Variants in PSKH1 observed in about 807,000 individuals in gnomAD.
PSKH1 encodes serine/threonine-protein kinase H1.
A neutral mutation model predicts 26.7 loss-of-function variants in PSKH1; 12 were observed. The observed-to-expected ratio is 0.45, with a 90% CI of 0.29 to 0.73. The LOEUF (loss-of-function observed/expected upper bound fraction) is 0.73. Among genes scored for constraint, PSKH1 ranks in the 30% least tolerant of loss-of-function variants. The probability of loss-of-function intolerance (pLI) is 0.11; values close to 1 mark genes in which losing one functional copy is unlikely to be tolerated. For synonymous variants in PSKH1, 213 were observed against 234.3 expected, an observed-to-expected ratio of 0.91 and a Z score of 0.83; for missense variants, 431 against 595.2, an observed-to-expected ratio of 0.72 and a Z score of 2.87.
intron 2 of PSKH1, among the ~76,000 whole-genome samples, chr16:67,913,521 A>C (rs1367066775): frequency 6.6e-6 from 1 of 152,094 alleles, no homozygotes. Context: ...CTATAAAAGC[A>C]TGCCAGGTTG....
Position 67,927,982 on chromosome 16 carries a change from A to G in PSKH1, c.*340A>G, listed in dbSNP as rs1277131922. The G allele has an allele frequency of 9.7e-6, 3 of 308,998 alleles. No individual in the cohort carries two copies. The highest frequency in any genetic ancestry group is 1.8e-5 in the Non-Finnish European group (3 of 164,450). The allele number at this position is 308,998 out of a possible 1,614,324, so 19.1% of individuals were successfully genotyped here. ...TCCCTTGCCCTTTGACTTTTCCCCA[A>G]TCAAAGGGAACTGCAGTGCTGGGTG... On this transcript the variant is annotated 3_prime_UTR_variant, in exon 3 of 3. Transcript: ENST00000291041. This position sits in a 1 kb window ranked among gnomAD's most constrained non-coding sequence, Gnocchi z 5.5.
At chr16:67,905,124 C>T (rs2058152798) in intron 1 of PSKH1, among the ~76,000 whole-genome samples, 3 of 152,184 alleles carry the variant, frequency 2.0e-5, no homozygotes, top group South Asian at 2.1e-4. Flanking sequence ...CTGTGCCCAG[C>T]TCTTACTGGC....
intron 1 of PSKH1, among the ~76,000 whole-genome samples, chr16:67,904,456 G>A (rs1015388993): frequency 3.3e-5 from 5 of 151,660 alleles, no homozygotes; most frequent in African/African-American, 1.2e-4. Context: ...CGCCCACCTC[G>A]GCCTCCCATA....
chr16:67,926,678 C>T (rs2058217489), intron 2 of PSKH1, among the ~76,000 whole-genome samples: 1 of 152,070 alleles, frequency 6.6e-6, no homozygotes, highest in South Asian at 2.1e-4. Flanking sequence ...CTGCCAGGAG[C>T]CCTTTGTGGC....
chr16:67,924,358 T>A (rs2058210666), intron 2 of PSKH1, among the ~76,000 whole-genome samples: 1 of 152,176 alleles, frequency 6.6e-6, no homozygotes, highest in Non-Finnish European at 1.5e-5. Flanking sequence ...TCAATCTGGC[T>A]CGCTTTGGCA....
chr16:67,904,187 T>C (rs1249604017), intron 1 of PSKH1, among the ~76,000 whole-genome samples: 1 of 151,100 alleles, frequency 6.6e-6, no homozygotes, highest in African/African-American at 2.4e-5. Flanking sequence ...GGCTAATTTT[T>C]GTATTTGTAT....
chr16:67,910,197 C>T lies in PSKH1; in HGVS notation c.957+491C>T, dbSNP rs192041664. On this transcript the variant is annotated intron_variant, in intron 2 of 2. Coordinates refer to ENST00000291041, the MANE Select transcript of PSKH1 (RefSeq NM_006742.3). Reference sequence around the variant, plus strand: ...CTGGTGCTTCTGGGCTGTCCTGATACCAACTAGTGCTAGAGAAAGTCTTCA... The same window carrying T: ...CTGGTGCTTCTGGGCTGTCCTGATATCAACTAGTGCTAGAGAAAGTCTTCA... The T allele has an allele frequency of 5.2e-5, 10 of 191,918 alleles. 1 individual carries two copies. The East Asian group carries it at 1.3e-3, about 25-fold the overall frequency. 11.9% of individuals were successfully genotyped at this position (191,918 alleles called of 1,614,324 possible).
At chr16:67,915,290 C>T (rs1429494706) in intron 2 of PSKH1, among the ~76,000 whole-genome samples, 4 of 151,862 alleles carry the variant, frequency 2.6e-5, no homozygotes, top group Non-Finnish European at 4.4e-5. Flanking sequence ...TTACCTGGAG[C>T]TGAAAAGCAT....
chr16:67,913,887 G>A (rs1472221305), intron 2 of PSKH1, among the ~76,000 whole-genome samples: 1 of 152,166 alleles, frequency 6.6e-6, no homozygotes, highest in African/African-American at 2.4e-5. Flanking sequence ...TGCCTTAAAA[G>A]TGGGCTGGGG....
intron 1 of PSKH1, among the ~76,000 whole-genome samples, chr16:67,900,040 C>T (rs1424200281): frequency 1.3e-5 from 2 of 152,096 alleles, no homozygotes; most frequent in Non-Finnish European, 2.9e-5. Flanking sequence ...CAGCCTACTG[C>T]AACCTCTGCT....
At chr16:67,919,307 G>A (rs1433996053) in intron 2 of PSKH1, among the ~76,000 whole-genome samples, 1 of 152,156 alleles carries the variant, frequency 6.6e-6, no homozygotes, top group Non-Finnish European at 1.5e-5. Flanking sequence ...TCTTCTCACT[G>A]ACCCCTGCTC....
In PSKH1 at chr16:67,908,986, C is replaced by T; in HGVS notation, c.237C>T (p.Arg79=). Residue 79 remains arginine (R), a synonymous_variant, in exon 2 of 3, where the codon CGC becomes CGT. Transcript: ENST00000291041. ...CGGAGCCTCCCTCAGAACCACCACG[C>T]AGGGCCAGGGTAGCTAAGTACAGGG... ...GHTEPPSEPP[R]RARVAKYRAK... The T allele has an allele frequency of 3.1e-6, 5 of 1,614,052 alleles. No individual in the cohort carries two copies. The highest frequency in any genetic ancestry group is 4.2e-6 in the Non-Finnish European group (5 of 1,179,946).
At position 67,921,536 on chromosome 16, in the gene PSKH1, G is replaced by A. The variant is rs573053049; in HGVS notation, c.958-5789G>A. On this transcript the variant is annotated intron_variant, in intron 2 of 2. Coordinates refer to ENST00000291041, the MANE Select transcript of PSKH1 (RefSeq NM_006742.3). ...TTGCAGTTAGCTGAGATTGCACATC[G>A]CGCCACTGCACTCCAGCCTGGGTGA... is the stretch of plus-strand genomic sequence containing the variant. Among the ~76,000 whole-genome samples, 8 of 152,016 alleles carry A rather than the reference G, an allele frequency of 5.3e-5. No homozygotes were observed. In the South Asian group the frequency reaches 1.2e-3, roughly 24 times the overall value.
rs529901905 is a variant in PSKH1 at position 67,907,124 on chromosome 16, C to T, written c.-70-1556C>T. 8.6e-5 allele frequency among the ~76,000 whole-genome samples: 13 copies of T among 151,896 alleles called. No individual in the cohort carries two copies. In the South Asian group the frequency reaches 1.7e-3, roughly 20 times the overall value. The stretch of plus-strand genomic sequence containing the variant: ...GACTACAGGCGCCTGCCACCACGCC[C>T]GGCTAATTTTTTGTATTTTTAGTAG... On this transcript the variant is annotated intron_variant, in intron 1 of 2. Transcript: ENST00000291041.
chr16:67,893,551 C>T (rs1312462259), intron 1 of PSKH1, among the ~76,000 whole-genome samples, 180 bp downstream of exon 1: 1 of 152,240 alleles, frequency 6.6e-6, no homozygotes, highest in African/African-American at 2.4e-5. Flanking sequence ...GCTCGGGTTC[C>T]CGGCGTCCGA....
chr16:67,913,210 G>A (rs572799563), intron 2 of PSKH1, among the ~76,000 whole-genome samples: 3 of 151,498 alleles, frequency 2.0e-5, no homozygotes, highest in East Asian at 2.0e-4. Flanking sequence ...GCAGGGGTGC[G>A]ATCTTGGCTC....
chr16:67,896,317 C>T (rs1437008699), intron 1 of PSKH1, among the ~76,000 whole-genome samples: 1 of 151,934 alleles, frequency 6.6e-6, no homozygotes, highest in East Asian at 1.9e-4. Context: ...CCGTATTGCT[C>T]AGGCTGGTCT....
chr16:67,901,307 C>T (rs939566867), intron 1 of PSKH1, among the ~76,000 whole-genome samples: 1 of 152,128 alleles, frequency 6.6e-6, no homozygotes, highest in Non-Finnish European at 1.5e-5. Flanking sequence ...CATTGACTCT[C>T]TTATTGCCGA....
At chr16:67,902,469 G>C (rs2151310817) in intron 1 of PSKH1, among the ~76,000 whole-genome samples, 1 of 151,942 alleles carries the variant, frequency 6.6e-6, no homozygotes, top group East Asian at 2.0e-4. Flanking sequence ...GCTAATTTTT[G>C]TATTTTTAGT....
Sources: allele counts gnomAD v4.1 joint callset (sites outside exome capture counted in the v4.1 genomes callset), GRCh38; gene constraint gnomAD v4.1.1; non-coding constraint Gnocchi (gnomAD v3.1); transcripts MANE v1.5; gene names NCBI Gene and HGNC (gene_info 2026-07-23, HGNC 2026-07-21).